SCX: variants seen among roughly 807,000 people sequenced by gnomAD.
SCX encodes basic helix-loop-helix transcription factor scleraxis.
SCX carries 7 observed loss-of-function variants against 12.2 expected under a neutral mutation model. That is an observed-to-expected ratio of 0.57 (90% CI 0.33 to 1.08). The LOEUF (loss-of-function observed/expected upper bound fraction) is 1.08. Among genes scored for constraint, SCX ranks in the 50% least tolerant of loss-of-function variants. The pLI, the probability that SCX is intolerant of heterozygous loss-of-function variation, is 0.04. For missense variants in SCX, 342 were observed against 337.2 expected (o/e 1.01, Z -0.11); for synonymous variants, 193 against 163.9 (o/e 1.18, Z -1.36).
intron 1 of SCX, among the ~76,000 whole-genome samples, chr8:144,267,496 C>T (rs1845403183): frequency 6.6e-6 from 1 of 152,386 alleles, no homozygotes; most frequent in Middle Eastern, 3.4e-3. Flanking sequence ...TGCAAGCTTC[C>T]CTTTTCAGTA....
chr8:144,266,603 C>T lies in SCX; in HGVS notation c.-11C>T, dbSNP rs1845372394. 7 of 1,128,768 alleles carry T rather than the reference C, an allele frequency of 6.2e-6. No homozygotes were observed. The highest frequency in any genetic ancestry group is 7.7e-6 in the Non-Finnish European group (7 of 913,456). 69.9% of individuals were successfully genotyped at this position (1,128,768 alleles called of 1,614,324 possible). A position where few individuals can be genotyped will look rare whatever the true frequency, so the allele number is the denominator to read the frequency against. On this transcript the variant is annotated 5_prime_UTR_variant, in exon 1 of 2. Transcript: ENST00000567180. ...GCGCGACAGAGCTGACGCCGCGCCC[C>T]CGCCGGCCCCATGTCCTTCGCCACG...
chr8:144,268,370 T>G lies in SCX; in HGVS notation c.*228T>G. 2 of 603,944 alleles carry G rather than the reference T, an allele frequency of 3.3e-6. No individual in the cohort carries two copies. The highest frequency in any genetic ancestry group is 2.8e-5 in the East Asian group (1 of 35,564). 37.4% of individuals were successfully genotyped at this position (603,944 alleles called of 1,614,324 possible). A position where few individuals can be genotyped will look rare whatever the true frequency, so the allele number is the denominator to read the frequency against. On this transcript the variant is annotated 3_prime_UTR_variant, in exon 2 of 2. Transcript: ENST00000567180. ...GCACCTGCCCGGGCCCACTGGAACT[T>G]TCTGCGCTGGCTTTTCTTCCGGCCA... is the stretch of plus-strand genomic sequence containing the variant.
In SCX at chr8:144,266,524, C is replaced by CGCCCCGGCCGGCCCGCGAG. The variant is rs1471996202; in HGVS notation, c.-85_-67dup. ...GGGGCGCAGCCGAGACCCCGCGCCT[C>CGCCCCGGCCGGCCCGCGAG]GCCCCGGCCGGCCCGCGAGGCCCGC... On this transcript the variant is annotated 5_prime_UTR_variant, in exon 1 of 2. It removes the in-frame stop codon of an upstream open reading frame in the 5' UTR. Transcript: ENST00000567180. The CGCCCCGGCCGGCCCGCGAG allele has an allele frequency of 1.0e-6, 1 of 990,438 alleles. No homozygotes were observed. The highest frequency in any genetic ancestry group is 1.2e-6 in the Non-Finnish European group (1 of 834,468). The allele number at this position is 990,438 out of a possible 1,614,324, so 61.4% of individuals were successfully genotyped here. A position where few individuals can be genotyped will look rare whatever the true frequency, so the allele number is the denominator to read the frequency against.
rs1845370958 is a variant in SCX at position 144,266,559 on chromosome 8, A to T, written c.-55A>T. ...GGCCCGCGAGGCCCGCGGCGGCCGC[A>T]GGAGGCGGCATGAGCAGCGCGCGAC... On this transcript the variant is annotated 5_prime_UTR_variant, in exon 1 of 2. Coordinates refer to ENST00000567180, the MANE Select transcript of SCX (RefSeq NM_001080514.3). The T allele has an allele frequency of 4.3e-5, 43 of 1,003,066 alleles. No individual in the cohort carries two copies. Among genetic ancestry groups the T allele is most frequent in the Non-Finnish European group, 5.1e-5 (43 of 843,264 alleles). The allele number at this position is 1,003,066 out of a possible 1,614,324, so 62.1% of individuals were successfully genotyped here.
Position 144,267,162 on chromosome 8 carries a change from C to A in SCX, c.549C>A (p.Leu183=). The part of the protein sequence containing the change: ...TQPKQICTFC[L]SNQRKLSKDR... ...CCAAACAGATCTGCACCTTCTGCCT[C>A]AGCAACCAGAGAAAGTTGGTGAGCA... Residue 183 remains leucine (L), a synonymous_variant, in exon 1 of 2, where the codon CTC becomes CTA. Coordinates refer to ENST00000567180, the MANE Select transcript of SCX (RefSeq NM_001080514.3). 1 of 1,532,170 alleles carries A rather than the reference C, an allele frequency of 6.5e-7. No individual in the cohort carries two copies. The highest frequency in any genetic ancestry group is 8.7e-7 in the Non-Finnish European group (1 of 1,150,290). The allele number at this position is 1,532,170 out of a possible 1,614,324, so 94.9% of individuals were successfully genotyped here. A position where few individuals can be genotyped will look rare whatever the true frequency, so the allele number is the denominator to read the frequency against.
At position 144,266,910 on chromosome 8, in the gene SCX, C is replaced by T. The variant is rs1845383477; in HGVS notation, c.297C>T (p.Arg99=). The T allele has an allele frequency of 6.5e-7, 1 of 1,546,048 alleles. No individual in the cohort carries two copies. The highest frequency in any genetic ancestry group is 1.1e-5 in the South Asian group (1 of 87,516). The change falls in exon 1 of 2, where the codon CGC becomes CGT. Residue 99 remains arginine (R), a synonymous_variant. Coordinates refer to ENST00000567180, the MANE Select transcript of SCX (RefSeq NM_001080514.3). The part of the protein sequence containing the change: ...NSVNTAFTAL[R]TLIPTEPADR... ...TGAACACGGCCTTCACGGCGCTGCG[C>T]ACGCTGATCCCCACCGAGCCCGCCG... is the stretch of plus-strand genomic sequence containing the variant.
rs964096352 is a variant in SCX, at chr8:144,268,434, A to G, written c.*292A>G. Reference sequence around the variant, plus strand: ...TCTTGTGTTTTTGATATGATAATATAAAGTCTGAAAATTTTGTATAATTAA... The same window carrying G: ...TCTTGTGTTTTTGATATGATAATATGAAGTCTGAAAATTTTGTATAATTAA... On this transcript the variant is annotated 3_prime_UTR_variant, in exon 2 of 2. Coordinates refer to ENST00000567180, the MANE Select transcript of SCX (RefSeq NM_001080514.3). 7.0e-5 allele frequency: 39 copies of G among 559,732 alleles called. No individual in the cohort carries two copies. The highest frequency in any genetic ancestry group is 1.3e-4 in the African/African-American group (7 of 52,410). The allele number at this position is 559,732 out of a possible 1,614,324, so 34.7% of individuals were successfully genotyped here.
chr8:144,267,099 CCCGCCGCCT>C lies in SCX; in HGVS notation c.489_497del (p.Pro164_Pro166del). On this transcript the variant is annotated inframe_deletion, in exon 1 of 2. Transcript: ENST00000567180. The stretch of plus-strand genomic sequence containing the variant: ...GCGCCGGCAGCCCCCCGCCGCCGCC[CCCGCCGCCT>C]CCCGCCCGCGACGGCGAGAACACCC... 1.1e-5 allele frequency: 16 copies of C among 1,431,962 alleles called. No homozygotes were observed. Among genetic ancestry groups the C allele is most frequent in the Non-Finnish European group, 1.4e-5 (16 of 1,103,554 alleles). 88.7% of individuals were successfully genotyped at this position (1,431,962 alleles called of 1,614,324 possible).
In SCX at chr8:144,266,581, C is replaced by A. The variant is rs1183476784; in HGVS notation, c.-33C>A. On this transcript the variant is annotated 5_prime_UTR_variant, in exon 1 of 2. Transcript: ENST00000567180. ...CGCAGGAGGCGGCATGAGCAGCGCGCGACAGAGCTGACGCCGCGCCCCCGC... is the reference window on the plus strand; with the variant it reads ...CGCAGGAGGCGGCATGAGCAGCGCGAGACAGAGCTGACGCCGCGCCCCCGC... 6.6e-6 allele frequency: 7 copies of A among 1,055,368 alleles called. No homozygotes were observed. In the African/African-American group the frequency reaches 1.0e-4, roughly 16 times the overall value. The allele number at this position is 1,055,368 out of a possible 1,614,324, so 65.4% of individuals were successfully genotyped here. A position where few individuals can be genotyped will look rare whatever the true frequency, so the allele number is the denominator to read the frequency against.
Position 144,267,047 on chromosome 8 carries a change from C to T in SCX, c.434C>T (p.Ser145Phe). 6.7e-7 allele frequency: 1 copy of T among 1,500,640 alleles called. No individual in the cohort carries two copies. The highest frequency in any genetic ancestry group is 8.8e-7 in the Non-Finnish European group (1 of 1,130,956). 93.0% of individuals were successfully genotyped at this position (1,500,640 alleles called of 1,614,324 possible). A position where few individuals can be genotyped will look rare whatever the true frequency, so the allele number is the denominator to read the frequency against. Residue 145 changes from serine (S) to phenylalanine (F), a missense_variant, in exon 1 of 2, where the codon TCC (serine) becomes TTC (phenylalanine). By Grantham distance (155) the Ser-to-Phe change is radical. This residue lies in a region of SCX where 161 missense variants were observed against 155.7 expected (regional missense o/e 1.03). Transcript: ENST00000567180. ...TGCGGCGACGGACAGCCCTGCCACT[C>T]CGGGCCCGCCTTCTTCCACGCGGCG... ...EACGDGQPCHSGPAFFHAARA... is the reference protein window; with the variant it reads ...EACGDGQPCHFGPAFFHAARA...
Position 144,268,199 on chromosome 8 carries a change from G to T in SCX, c.*57G>T. On this transcript the variant is annotated 3_prime_UTR_variant, in exon 2 of 2. Transcript: ENST00000567180. ...CTGCTGGGGGAGGTGGACGCCCGGG[G>T]TGACTGCAGACAGCCCCCACCTTGG... 2.6e-6 allele frequency: 4 copies of T among 1,547,294 alleles called. No homozygotes were observed. Among genetic ancestry groups the T allele is most frequent in the South Asian group, 1.2e-5 (1 of 83,916 alleles).
chr8:144,267,334 T>G (rs1220116919), intron 1 of SCX, among the ~76,000 whole-genome samples, 154 bp downstream of exon 1: 2 of 151,860 alleles, frequency 1.3e-5, no homozygotes, highest in East Asian at 3.9e-4. Context: ...GCTGGGGCCT[T>G]CTCCTGGGGC....
intron 1 of SCX, among the ~76,000 whole-genome samples, chr8:144,267,491 G>A (rs967283549): frequency 6.6e-6 from 1 of 152,382 alleles, no homozygotes; most frequent in East Asian, 1.9e-4. Context: ...GCCGCTGCAA[G>A]CTTCCCTTTT....
At chr8:144,267,274 C>T in intron 1 of SCX, 94 bp downstream of exon 1, 1 of 1,371,198 alleles carries the variant, frequency 7.3e-7, no homozygotes, top group Non-Finnish European at 9.4e-7. Flanking sequence ...ACGGGCAGGG[C>T]TCCCCAACAG....
In SCX at chr8:144,268,329, C is replaced by A; in HGVS notation, c.*187C>A. 1.3e-6 allele frequency: 1 copy of A among 796,016 alleles called. No individual in the cohort carries two copies. The highest frequency in any genetic ancestry group is 2.0e-6 in the Non-Finnish European group (1 of 510,120). 49.3% of individuals were successfully genotyped at this position (796,016 alleles called of 1,614,324 possible). ...GTACAGACAGGCGCCGGCAGCGGGACTCTGCGCTGGCCCCAGCACCTGCCC... is the reference window on the plus strand; with the variant it reads ...GTACAGACAGGCGCCGGCAGCGGGAATCTGCGCTGGCCCCAGCACCTGCCC... On this transcript the variant is annotated 3_prime_UTR_variant, in exon 2 of 2. Transcript: ENST00000567180.
chr8:144,267,277 C>A (rs1446552113), intron 1 of SCX, 97 bp downstream of exon 1: 3 of 1,346,010 alleles, frequency 2.2e-6, no homozygotes, highest in African/African-American at 3.1e-5. Context: ...GGCAGGGCTC[C>A]CCAACAGGGC....
chr8:144,266,477 G>A lies in SCX; in HGVS notation c.-137G>A, dbSNP rs1588590714. 5.1e-6 allele frequency: 5 copies of A among 984,150 alleles called. No homozygotes were observed. Among genetic ancestry groups the A allele is most frequent in the Non-Finnish European group, 6.0e-6 (5 of 829,332 alleles). The allele number at this position is 984,150 out of a possible 1,614,324, so 61.0% of individuals were successfully genotyped here. A position where few individuals can be genotyped will look rare whatever the true frequency, so the allele number is the denominator to read the frequency against. Reference sequence around the variant, plus strand: ...CGGCCCGGGACGCACATGTGCGCGCGACGCCCGGCAGCTGCCACCGCGGGG... The same window carrying A: ...CGGCCCGGGACGCACATGTGCGCGCAACGCCCGGCAGCTGCCACCGCGGGG... On this transcript the variant is annotated 5_prime_UTR_variant, in exon 1 of 2. Transcript: ENST00000567180.
chr8:144,267,231 C>T, intron 1 of SCX, 51 bp downstream of exon 1: 1 of 1,466,834 alleles, frequency 6.8e-7, no homozygotes, highest in Non-Finnish European at 8.9e-7. Context: ...CGCCCCTCAG[C>T]CCACACCTGC....
Position 144,266,739 on chromosome 8 carries a change from G to C in SCX, c.126G>C (p.Val42=). The change falls in exon 1 of 2, where the codon GTG becomes GTC. Residue 42 remains valine, a synonymous_variant. Coordinates refer to ENST00000567180, the MANE Select transcript of SCX (RefSeq NM_001080514.3). ...GCTCCGACGAGAAACCCTGTCGCGTGCACGCGGCGCGCTGCGGCCTCCAGG... is the reference window on the plus strand; with the variant it reads ...GCTCCGACGAGAAACCCTGTCGCGTCCACGCGGCGCGCTGCGGCCTCCAGG... ...SSGSDEKPCR[V]HAARCGLQGA... is the part of the protein sequence containing the mutation. 1.8e-6 allele frequency: 2 copies of C among 1,110,336 alleles called. No individual in the cohort carries two copies. Among genetic ancestry groups the C allele is most frequent in the Non-Finnish European group, 1.1e-6 (1 of 901,792 alleles). 68.8% of individuals were successfully genotyped at this position (1,110,336 alleles called of 1,614,324 possible). A position where few individuals can be genotyped will look rare whatever the true frequency, so the allele number is the denominator to read the frequency against.
Sources: allele counts gnomAD v4.1 joint callset (sites outside exome capture counted in the v4.1 genomes callset), GRCh38; gene constraint gnomAD v4.1.1; regional missense constraint gnomAD v4.1.1; transcripts MANE v1.5; gene names NCBI Gene and HGNC (gene_info 2026-07-23, HGNC 2026-07-21).